Variants in SHANK2 observed in about 807,000 individuals in gnomAD.
The protein encoded by SHANK2 is SH3 and multiple ankyrin repeat domains 2.
A neutral mutation model predicts 133.7 loss-of-function variants in SHANK2; 43 were observed. The ratio of observed to expected loss-of-function variants is 0.32; its 90% CI spans 0.25 to 0.41. SHANK2 has a LOEUF of 0.41. Ranked by LOEUF, SHANK2 falls within the 10% of genes least tolerant of loss-of-function variation. The pLI is 1.00. For missense variants in SHANK2, 1,994 were observed against 2,235.8 expected (o/e 0.89, Z 2.18); for synonymous variants, 1,017 against 952.8 (o/e 1.07, Z -1.24).
intron 10 of SHANK2, among the ~76,000 whole-genome samples, chr11:70,941,993 A>AT (rs1950654763): frequency 4.6e-5 from 7 of 151,892 alleles, no homozygotes; most frequent in African/African-American, 1.7e-4. Flanking sequence ...GGAGTTTGAG[A>AT]CCTGGCCAAC....
At chr11:70,885,820 T>C (rs1187686287) in intron 11 of SHANK2, among the ~76,000 whole-genome samples, 1 of 151,826 alleles carries the variant, frequency 6.6e-6, no homozygotes, top group Admixed American at 6.6e-5. Flanking sequence ...AATGTAAAAA[T>C]ACCCTCCCAA....
At chr11:71,183,139 G>A (rs1280744250) in intron 2 of SHANK2, among the ~76,000 whole-genome samples, 3 of 152,186 alleles carry the variant, frequency 2.0e-5, no homozygotes, top group Admixed American at 1.3e-4. Context: ...CCACAGACAA[G>A]GCTTTCTGGA....
Position 70,485,315 on chromosome 11 carries a change from T to C in SHANK2, c.4978A>G (p.Arg1660Gly). ...MGAKSASLAP[R>G]SPEIMSTISG... ...CATGTGCACCAACCGCGGACTTACCTTGGAGCGAGGCTGGCGGACTTGGCT... is the reference window on the plus strand; with the variant it reads ...CATGTGCACCAACCGCGGACTTACCCTGGAGCGAGGCTGGCGGACTTGGCT... Residue 1660 changes from arginine (R) to glycine (G), a missense_variant and splice_region_variant, in exon 25 of 26, where the codon AGA becomes GGA. This residue lies in a region of SHANK2 where 797 missense variants were observed against 907.4 expected (regional missense o/e 0.88). Coordinates refer to ENST00000601538, the MANE Select transcript of SHANK2 (RefSeq NM_012309.5). The surrounding 1 kb of genome is among the most constrained non-coding windows in gnomAD (Gnocchi z 5.8). 1 of 1,613,770 alleles carries C rather than the reference T, an allele frequency of 6.2e-7. No individual in the cohort carries two copies. The highest frequency in any genetic ancestry group is 1.3e-5 in the African/African-American group (1 of 75,070).
At chr11:70,514,737 G>A (rs1394519529) in intron 17 of SHANK2, among the ~76,000 whole-genome samples, 12 of 152,092 alleles carry the variant, frequency 7.9e-5, no homozygotes, top group African/African-American at 4.8e-5. Flanking sequence ...ACAGTGTAAC[G>A]CCAATGGAAA....
At chr11:70,784,020 C>T (rs1947578347) in intron 14 of SHANK2, among the ~76,000 whole-genome samples, 1 of 152,244 alleles carries the variant, frequency 6.6e-6, no homozygotes, top group South Asian at 2.1e-4. Flanking sequence ...TGGGGACAGG[C>T]TGGAAGTGGG....
intron 15 of SHANK2, among the ~76,000 whole-genome samples, chr11:70,690,155 G>A (rs1345777329): frequency 1.3e-5 from 2 of 152,106 alleles, no homozygotes; most frequent in African/African-American, 4.8e-5. Flanking sequence ...TCAAATTGGA[G>A]CAGAATGTCA....
At chr11:71,088,307 T>TAC (rs1200021421) in intron 8 of SHANK2, among the ~76,000 whole-genome samples, 5 of 152,096 alleles carry the variant, frequency 3.3e-5, no homozygotes, top group East Asian at 1.9e-4. Flanking sequence ...TCTGTATCTG[T>TAC]ACACACACAC....
intron 10 of SHANK2, among the ~76,000 whole-genome samples, chr11:70,897,989 G>A (rs1048756842): frequency 7.7e-4 from 104 of 135,424 alleles, no homozygotes; most frequent in African/African-American, 2.8e-3. Context: ...TTTTGGCAGG[G>A]TCTTGTTCTG....
chr11:70,567,548 A>G (rs1591590318), intron 17 of SHANK2, among the ~76,000 whole-genome samples: 1 of 151,712 alleles, frequency 6.6e-6, no homozygotes, highest in South Asian at 2.1e-4. Flanking sequence ...AATTGCTTGA[A>G]CCCAGGAAGT....
chr11:70,911,699 A>G (rs369658797), intron 10 of SHANK2, among the ~76,000 whole-genome samples: 40 of 152,302 alleles, frequency 2.6e-4, no homozygotes, highest in African/African-American at 9.4e-4. Context: ...TGCAGCTTCT[A>G]TGGGCCAGGG....
At chr11:70,628,413 CT>C (rs375459577) in intron 17 of SHANK2, among the ~76,000 whole-genome samples, 1 of 152,174 alleles carries the variant, frequency 6.6e-6, no homozygotes, top group African/African-American at 2.4e-5. Flanking sequence ...ATGTGCCCCC[CT>C]CTGTCCTACC....
intron 19 of SHANK2, 96 bp downstream of exon 19, chr11:70,502,110 G>A: frequency 7.2e-7 from 1 of 1,397,512 alleles, no homozygotes; most frequent in Non-Finnish European, 9.9e-7. Context: ...GGGGTAGCGA[G>A]CAAGCGTGGG....
At chr11:70,587,359 G>C (rs538511345) in intron 17 of SHANK2, among the ~76,000 whole-genome samples, 1 of 152,190 alleles carries the variant, frequency 6.6e-6, no homozygotes, top group Non-Finnish European at 1.5e-5. Context: ...GGGGAGAAGC[G>C]GGGAGAGCGA....
chr11:70,675,312 G>GT (rs1399812443), intron 15 of SHANK2, among the ~76,000 whole-genome samples: 22 of 152,208 alleles, frequency 1.4e-4, no homozygotes, highest in African/African-American at 5.3e-4. Context: ...ACCAGGCGTT[G>GT]TTCTAAGTGT....
chr11:70,713,999 T>C (rs547209933), intron 14 of SHANK2, among the ~76,000 whole-genome samples: 25 of 152,330 alleles, frequency 1.6e-4, no homozygotes, highest in Non-Finnish European at 1.9e-4. Context: ...TCAACAGCTA[T>C]TTGCAAGCAG....
chr11:71,166,952 T>C (rs1953164797), intron 2 of SHANK2, among the ~76,000 whole-genome samples: 1 of 138,420 alleles, frequency 7.2e-6, no homozygotes, highest in Admixed American at 7.1e-5. Flanking sequence ...GCAGTGTTTG[T>C]GTCCCTGGGT....
At chr11:70,608,841 T>C (rs893421526) in intron 17 of SHANK2, among the ~76,000 whole-genome samples, 19 of 152,220 alleles carry the variant, frequency 1.2e-4, no homozygotes, top group Admixed American at 9.2e-4. Flanking sequence ...CAAAACCTCA[T>C]TCCAGCGGCT....
intron 14 of SHANK2, among the ~76,000 whole-genome samples, chr11:70,771,486 T>C (rs1338998630): frequency 6.6e-6 from 1 of 152,214 alleles, no homozygotes; most frequent in Admixed American, 6.5e-5. Flanking sequence ...TGGAACCTTC[T>C]GAGCACATTC....
At chr11:70,622,866 T>A (rs1447782903) in intron 17 of SHANK2, among the ~76,000 whole-genome samples, 2 of 151,582 alleles carry the variant, frequency 1.3e-5, no homozygotes, top group African/African-American at 4.8e-5. Context: ...CCCTGTCACC[T>A]GGGGAGTAGA....
Sources: gnomAD v4.1 joint callset for allele counts (sites outside exome capture counted in the v4.1 genomes callset) on GRCh38, gnomAD v4.1.1 for gene constraint, gnomAD v4.1.1 regional missense constraint, Gnocchi (gnomAD v3.1) non-coding constraint, MANE v1.5 for transcripts, NCBI Gene and HGNC (gene_info 2026-07-23, HGNC 2026-07-21) for gene names.